Variants in CTBP1 observed in about 807,000 individuals in gnomAD.
CTBP1 encodes C-terminal-binding protein 1.
In CTBP1, 11 loss-of-function variants were observed where a neutral mutation model predicts 42.1. The ratio of observed to expected loss-of-function variants is 0.26; its 90% CI spans 0.16 to 0.43. The LOEUF is 0.43. CTBP1 is among the 20% of genes least tolerant of loss of function. The pLI is 1.00. For missense variants in CTBP1, 399 were observed against 624.3 expected (o/e 0.64, Z 3.85); for synonymous variants, 324 against 277.1 (o/e 1.17, Z -1.68).
rs1172380551 is a variant in CTBP1 at position 1,238,857 on chromosome 4, C to A, written c.8-520G>T. Among the ~76,000 whole-genome samples the A allele has an allele frequency of 6.6e-6, 1 of 151,764 alleles. No individual in the cohort carries two copies. Among genetic ancestry groups the A allele is most frequent in the Admixed American group, 6.6e-5 (1 of 15,232 alleles). On this transcript the variant is annotated intron_variant, in intron 2 of 9. Transcript: ENST00000382952. This position sits in a 1 kb window ranked among gnomAD's most constrained non-coding sequence, Gnocchi z 5.9. ...GAGACCCCAGGGCAGCTCCATGAGG[C>A]AGGGGGACAGGAGGGACCCAGGACA... is the stretch of plus-strand genomic sequence containing the variant.
chr4:1,225,210 G>A lies in CTBP1; in HGVS notation c.514+150C>T, dbSNP rs948468228. ...CACACGCCTGGGACTCCCGGGCCCT[G>A]GTGCCTGTGCGCACTCAGTCCTGTC... On this transcript the variant is annotated intron_variant, in intron 5 of 9. Coordinates refer to ENST00000382952, the MANE Select transcript of CTBP1 (RefSeq NM_001012614.2). The A allele has an allele frequency of 2.6e-5, 23 of 901,844 alleles. No homozygotes were observed. In the African/African-American group the frequency reaches 3.2e-4, roughly 12 times the overall value. 55.9% of individuals were successfully genotyped at this position (901,844 alleles called of 1,614,324 possible). A position where few individuals can be genotyped will look rare whatever the true frequency, so the allele number is the denominator to read the frequency against.
chr4:1,248,735 C>T lies in CTBP1; in HGVS notation c.-189+181G>A, dbSNP rs1733037430. 1.7e-5 allele frequency: 17 copies of T among 981,348 alleles called. No individual in the cohort carries two copies. The South Asian group carries it at 6.6e-4, about 38-fold the overall frequency. 60.8% of individuals were successfully genotyped at this position (981,348 alleles called of 1,614,324 possible). A position where few individuals can be genotyped will look rare whatever the true frequency, so the allele number is the denominator to read the frequency against. ...CAGCGGCCCGCGCATGCGCAAGACC[C>T]TTCCCGCGGTCCCGCCCCCGACCGC... On this transcript the variant is annotated intron_variant, in intron 1 of 9. Transcript: ENST00000382952.
intron 3 of CTBP1, among the ~76,000 whole-genome samples, chr4:1,234,026 A>T (rs1577059970): frequency 6.6e-6 from 1 of 152,220 alleles, no homozygotes; most frequent in Non-Finnish European, 1.5e-5. Context: ...CCCGGGTTCC[A>T]GCCAGCAGGG....
intron 5 of CTBP1, among the ~76,000 whole-genome samples, chr4:1,220,630 C>T (rs183353123): frequency 8.5e-5 from 13 of 152,350 alleles, no homozygotes; most frequent in Admixed American, 2.6e-4. Flanking sequence ...GTGCAGACAG[C>T]GTCACATGGG....
intron 7 of CTBP1, chr4:1,214,122 T>C (rs1728842519): frequency 3.5e-6 from 2 of 564,040 alleles, no homozygotes; most frequent in Non-Finnish European, 5.9e-6. Context: ...AAAGAAGGGC[T>C]GAGGAGGTTG....
chr4:1,226,228 C>A (rs1730326731), intron 4 of CTBP1, among the ~76,000 whole-genome samples: 1 of 152,144 alleles, frequency 6.6e-6, no homozygotes. Flanking sequence ...CAGTGCCCCT[C>A]CCTGAGCCTA....
At chr4:1,248,685 G>T in intron 1 of CTBP1, 1 of 981,466 alleles carries the variant, frequency 1.0e-6, no homozygotes, top group Non-Finnish European at 1.2e-6. Flanking sequence ...GGCGGGGAGA[G>T]CAGACTGCGG....
chr4:1,212,334 C>T lies in CTBP1; in HGVS notation c.1196G>A (p.Gly399Asp). The T allele has an allele frequency of 6.6e-7, 1 of 1,519,306 alleles. No homozygotes were observed. The highest frequency in any genetic ancestry group is 8.8e-7 in the Non-Finnish European group (1 of 1,138,160). 94.1% of individuals were successfully genotyped at this position (1,519,306 alleles called of 1,614,324 possible). A position where few individuals can be genotyped will look rare whatever the true frequency, so the allele number is the denominator to read the frequency against. Residue 399 changes from glycine to aspartate, a missense_variant, in exon 10 of 10, where the codon GGC (glycine) becomes GAC (aspartate). Around this residue, in one of 4 missense-constraint regions of CTBP1, gnomAD observed 60 missense variants for 46.5 expected, o/e 1.29. Coordinates refer to ENST00000382952, the MANE Select transcript of CTBP1 (RefSeq NM_001012614.2). Reference sequence around the variant, plus strand: ...GGGCGGGTGGGCCACAGGGGGCAGGCCGTGGGACAGGGACATGGCGCTGGG... The same window carrying T: ...GGGCGGGTGGGCCACAGGGGGCAGGTCGTGGGACAGGGACATGGCGCTGGG... ...IVPSAMSLSH[G>D]LPPVAHPPHA...
chr4:1,241,641 T>C, intron 1 of CTBP1, 122 bp from the exon 2 acceptor site: 3 of 1,373,258 alleles, frequency 2.2e-6, no homozygotes, highest in South Asian at 2.6e-5. Flanking sequence ...GACTGCTGTC[T>C]GGGACCTACC....
chr4:1,250,089 C>T (rs2878539), upstream of CTBP1: 63,185 of 162,206 alleles, frequency 0.39, 12,687 homozygotes, highest in South Asian at 0.46. Context: ...TCTGGAATGC[C>T]GAGATAGTTG....
Position 1,211,738 on chromosome 4 carries a change from T to C in CTBP1, c.*502A>G, listed in dbSNP as rs1412631578. 1 of 152,290 alleles carries C rather than the reference T, an allele frequency of 6.6e-6. No homozygotes were observed. Among genetic ancestry groups the C allele is most frequent in the Non-Finnish European group, 1.5e-5 (1 of 68,142 alleles). The allele number at this position is 152,290 out of a possible 1,614,324, so 9.4% of individuals were successfully genotyped here. On this transcript the variant is annotated 3_prime_UTR_variant, in exon 10 of 10. Coordinates refer to ENST00000382952, the MANE Select transcript of CTBP1 (RefSeq NM_001012614.2). ...ACAGCCTTTGTTTTGTTTTTCTAAA[T>C]TATTCTAAAAATAAGACAAGCAGGT...
chr4:1,234,329 GCTC>G (rs1354807335), intron 3 of CTBP1, among the ~76,000 whole-genome samples: 1 of 152,166 alleles, frequency 6.6e-6, no homozygotes, highest in Non-Finnish European at 1.5e-5. Context: ...GTTCTTGGGG[GCTC>G]CTTTCTGTGG....
chr4:1,221,366 A>T (rs1328731231), intron 5 of CTBP1: 1 of 152,456 alleles, frequency 6.6e-6, no homozygotes, highest in African/African-American at 2.4e-5. Context: ...CAGGCGAAAC[A>T]ATGTCCTGCT....
intron 3 of CTBP1, among the ~76,000 whole-genome samples, chr4:1,229,876 G>A (rs1362798516): frequency 2.0e-5 from 3 of 152,192 alleles, no homozygotes; most frequent in African/African-American, 4.8e-5. Context: ...GACCATGGAG[G>A]ACCACACAGA....
At chr4:1,242,565 G>A in intron 1 of CTBP1, 1 of 985,428 alleles carries the variant, frequency 1.0e-6, no homozygotes, top group Non-Finnish European at 1.2e-6. Flanking sequence ...ACCATCTCCA[G>A]CTTCCAGAGA....
intron 4 of CTBP1, among the ~76,000 whole-genome samples, chr4:1,227,523 A>G (rs1275575426): frequency 3.2e-4 from 45 of 140,066 alleles, no homozygotes; most frequent in African/African-American, 1.2e-3. Context: ...TGCGTGTTCC[A>G]TGTGCTGAGT....
chr4:1,238,602 G>A lies in CTBP1; in HGVS notation c.8-265C>T, dbSNP rs1014548311. ...GCACAGGACCTCCGAGACCCTCCAA[G>A]TCCCCTCCGAGACCCTCCAAGGCCC... On this transcript the variant is annotated intron_variant, in intron 2 of 9. Transcript: ENST00000382952. This position sits in a 1 kb window ranked among gnomAD's most constrained non-coding sequence, Gnocchi z 5.9. Among the ~76,000 whole-genome samples the A allele has an allele frequency of 1.3e-5, 2 of 151,392 alleles. No homozygotes were observed. The highest frequency in any genetic ancestry group is 3.9e-4 in the East Asian group (2 of 5,152).
Position 1,241,894 on chromosome 4 carries a change from C to T in CTBP1, c.-188-375G>A, listed in dbSNP as rs755916725. On this transcript the variant is annotated intron_variant, in intron 1 of 9. Transcript: ENST00000382952. ...GTGTGTGCTGTGGGCAGGGAAACTG[C>T]GGAAAGGCTCTGCCTCCTGTTCTGG... The T allele has an allele frequency of 9.3e-5, 99 of 1,066,058 alleles. 1 individual carries two copies. Among genetic ancestry groups the T allele is most frequent in the Non-Finnish European group, 1.1e-4 (94 of 877,072 alleles). The allele number at this position is 1,066,058 out of a possible 1,614,324, so 66.0% of individuals were successfully genotyped here.
chr4:1,247,760 G>A (rs1284209099), intron 1 of CTBP1, among the ~76,000 whole-genome samples: 2 of 107,478 alleles, frequency 1.9e-5, no homozygotes, highest in African/African-American at 5.9e-5. Flanking sequence ...CGGTGGAGAG[G>A]CCGGGGAGGG....
Sources: gnomAD v4.1 joint callset for allele counts (sites outside exome capture counted in the v4.1 genomes callset) on GRCh38, gnomAD v4.1.1 for gene constraint, gnomAD v4.1.1 regional missense constraint, Gnocchi (gnomAD v3.1) non-coding constraint, MANE v1.5 for transcripts, NCBI Gene and HGNC (gene_info 2026-07-23, HGNC 2026-07-21) for gene names.